Variants in ABCA6 observed in about 807,000 individuals in gnomAD.
ABCA6 encodes the protein ATP binding cassette subfamily A member 6.
In ABCA6, 164 loss-of-function variants were observed where a neutral mutation model predicts 191.2. The ratio of observed to expected loss-of-function variants is 0.86; its 90% CI spans 0.76 to 0.98. The LOEUF is 0.98. ABCA6 is among the 50% of genes least tolerant of loss of function. ABCA6 has a pLI of 0.00. For synonymous variants in ABCA6, 636 were observed against 647.7 expected, an observed-to-expected ratio of 0.98 and a Z score of 0.27; for missense variants, 1,958 against 1,894.1, an observed-to-expected ratio of 1.03 and a Z score of -0.63.
chr17:69,137,359 T>C lies in ABCA6; in HGVS notation c.238A>G (p.Thr80Ala), dbSNP rs866441591. 3.7e-6 allele frequency: 6 copies of C among 1,613,682 alleles called. No individual in the cohort carries two copies. The highest frequency in any genetic ancestry group is 4.2e-6 in the Non-Finnish European group (5 of 1,179,740). ...FNSSSLMVVYTPISNLTQQIM... is the reference protein window; with the variant it reads ...FNSSSLMVVYAPISNLTQQIM... ...TGCTGGGTTAAATTAGATATTGGTG[T>C]ATACACAACCATTAAAGAAGAGCTA... The change falls in exon 3 of 39, where the codon ACA becomes GCA. Residue 80 changes from threonine to alanine, a missense_variant. Physicochemically the swap from Thr to Ala is moderately conservative, Grantham distance 58 (BLOSUM62 0). Transcript: ENST00000284425.
chr17:69,100,707 T>A, intron 22 of ABCA6, 90 bp downstream of exon 22: 1 of 1,281,326 alleles, frequency 7.8e-7, no homozygotes, highest in Non-Finnish European at 1.0e-6. Flanking sequence ...GGCTTAACAA[T>A]CACTTATGGA....
chr17:69,139,937 G>A, intron 2 of ABCA6, among the ~76,000 whole-genome samples: 1 of 145,842 alleles, frequency 6.9e-6, no homozygotes, highest in Non-Finnish European at 1.5e-5. Context: ...TCACACTCTG[G>A]GGCCTGTTGT....
At chr17:69,082,852 A>G (rs779518531) in intron 36 of ABCA6, 21 bp downstream of exon 36, 3 of 1,613,920 alleles carry the variant, frequency 1.9e-6, no homozygotes, top group Non-Finnish European at 2.5e-6. Flanking sequence ...ATATTTCTCC[A>G]TAATCAAAAG....
chr17:69,083,093 A>G, intron 35 of ABCA6, 80 bp from the exon 36 acceptor site: 1 of 1,586,884 alleles, frequency 6.3e-7, no homozygotes, highest in Non-Finnish European at 8.6e-7. Context: ...CAAATGTAGA[A>G]GAAAAGGTGT....
rs1464947835 is a variant in ABCA6 at position 69,112,271 on chromosome 17, T to C, written c.2044A>G (p.Arg682Gly). Reference protein sequence around the residue: ...SMDEADILADRKVIMSNGRLK... With the variant: ...SMDEADILADGKVIMSNGRLK... ...CTCCCATTGGACATGATCACTTTTC[T>C]ATCTGAATGAAAGAAATCAAGGGAG... The change falls in exon 16 of 39, where the codon AGA becomes GGA. Residue 682 changes from arginine to glycine, a missense_variant and splice_region_variant. Physicochemically the swap from Arg to Gly is moderately radical, Grantham distance 125. Coordinates refer to ENST00000284425, the MANE Select transcript of ABCA6 (RefSeq NM_080284.3). 14 of 1,608,996 alleles carry C rather than the reference T, an allele frequency of 8.7e-6. No homozygotes were observed. The highest frequency in any genetic ancestry group is 1.2e-5 in the Non-Finnish European group (14 of 1,176,332).
At chr17:69,134,337 T>G (rs139044755) in intron 5 of ABCA6, among the ~76,000 whole-genome samples, 80 of 152,248 alleles carry the variant, frequency 5.3e-4, no homozygotes, top group Middle Eastern at 3.4e-3. Context: ...ATTAGTGCCT[T>G]GTAAAAGGCT....
Position 69,133,699 on chromosome 17 carries a change from C to G in ABCA6, c.733G>C (p.Glu245Gln), listed in dbSNP as rs772884126. ...ATCAAATTCTTAGACTTTTTTCTCT[C>G]TTTTGTTACATTGAGTGATATAAAA... ...VYFISLNVTKERKKSKNLMKM... is the reference protein window; with the variant it reads ...VYFISLNVTKQRKKSKNLMKM... Residue 245 changes from glutamate (E) to glutamine (Q), a missense_variant, in exon 6 of 39, where the codon GAG becomes CAG. By Grantham distance (29) the Glu-to-Gln change is conservative. Coordinates refer to ENST00000284425, the MANE Select transcript of ABCA6 (RefSeq NM_080284.3). The G allele has an allele frequency of 6.8e-6, 11 of 1,608,352 alleles. No individual in the cohort carries two copies. In the African/African-American group the frequency reaches 1.3e-4, roughly 20 times the overall value.
intron 6 of ABCA6, 48 bp downstream of exon 6, chr17:69,133,593 C>T (rs1170652750): frequency 7.4e-7 from 1 of 1,352,536 alleles, no homozygotes; most frequent in Non-Finnish European, 1.0e-6. Context: ...TTCACTGCTT[C>T]TTAATTTTCC....
At chr17:69,107,854 T>A (rs749449788) in intron 17 of ABCA6, 42 bp from the exon 18 acceptor site, 1 of 1,139,920 alleles carries the variant, frequency 8.8e-7, no homozygotes, top group Admixed American at 1.9e-5. Context: ...GAAAACCACA[T>A]TGAGAACTAA....
intron 7 of ABCA6, 61 bp from the exon 8 acceptor site, chr17:69,128,865 G>A: frequency 7.6e-7 from 1 of 1,320,906 alleles, no homozygotes; most frequent in Non-Finnish European, 1.0e-6. Flanking sequence ...GAGAATCATT[G>A]GCAGCCCAAT....
chr17:69,093,807 AT>A (rs2072986888), intron 25 of ABCA6, among the ~76,000 whole-genome samples: 2 of 152,248 alleles, frequency 1.3e-5, no homozygotes, highest in African/African-American at 2.4e-5. Context: ...CCTTTCAGTG[AT>A]AGAAAAATGA....
In ABCA6 at chr17:69,088,882, C is replaced by T. The variant is rs150587955; in HGVS notation, c.3606+583G>A. Among the ~76,000 whole-genome samples, 612 of 152,276 alleles carry T rather than the reference C, an allele frequency of 4.0e-3. 1 individual carries two copies. Among genetic ancestry groups the T allele is most frequent in the African/African-American group, 0.014 (593 of 41,540 alleles). ...TGGCCTGGCTGACCCTGGATTGAGCCGGGGTCACTCTTGCCACTTCCTACT... is the reference window on the plus strand; with the variant it reads ...TGGCCTGGCTGACCCTGGATTGAGCTGGGGTCACTCTTGCCACTTCCTACT... On this transcript the variant is annotated intron_variant, in intron 27 of 38. Coordinates refer to ENST00000284425, the MANE Select transcript of ABCA6 (RefSeq NM_080284.3).
intron 10 of ABCA6, among the ~76,000 whole-genome samples, chr17:69,118,907 C>CA: frequency 6.6e-6 from 1 of 151,946 alleles, no homozygotes; most frequent in African/African-American, 2.4e-5. Context: ...TGGTTTGCTG[C>CA]ATAGATAGTC....
Position 69,082,858 on chromosome 17 carries a change from A to T in ABCA6, c.4616+15T>A, listed in dbSNP as rs1319140587. The T allele has an allele frequency of 6.2e-7, 1 of 1,613,844 alleles. No individual in the cohort carries two copies. The highest frequency in any genetic ancestry group is 1.3e-5 in the African/African-American group (1 of 74,908). The stretch of plus-strand genomic sequence containing the variant: ...AAACCCTCCATATTTCTCCATAATC[A>T]AAAGCCCGTCTCACCTTTCCTGCCC... On this transcript the variant is annotated intron_variant, in intron 36 of 38. Transcript: ENST00000284425.
intron 6 of ABCA6, among the ~76,000 whole-genome samples, chr17:69,131,287 C>A (rs1051282913): frequency 6.6e-6 from 1 of 152,156 alleles, no homozygotes; most frequent in African/African-American, 2.4e-5. Context: ...AGAACATGTT[C>A]ACACCAGATT....
rs147647384 is a variant in ABCA6 at position 69,105,491 on chromosome 17, C to T, written c.2711G>A (p.Arg904His). ...GTTATTGATGATCAACAGGCTGGTA[C>T]GGGGTTCCTGGGGAAGTTGTCCAGG... ...LSPGQLPQEP[R>H]TSLLIINNTE... The change falls in exon 20 of 39, where the codon CGT (arginine) becomes CAT (histidine). Residue 904 changes from arginine to histidine, a missense_variant. By Grantham distance (29) the Arg-to-His change is conservative. Coordinates refer to ENST00000284425, the MANE Select transcript of ABCA6 (RefSeq NM_080284.3). 3.0e-5 allele frequency: 48 copies of T among 1,608,938 alleles called. No homozygotes were observed. Among genetic ancestry groups the T allele is most frequent in the Middle Eastern group, 2.0e-4 (1 of 5,000 alleles).
intron 30 of ABCA6, among the ~76,000 whole-genome samples, chr17:69,086,113 A>T (rs2072781132): frequency 1.3e-5 from 2 of 152,150 alleles, no homozygotes; most frequent in Non-Finnish European, 2.9e-5. Context: ...TTTCATCCCA[A>T]CTGATATAAA....
Position 69,123,231 on chromosome 17 carries a change from G to T in ABCA6, c.1436+8C>A, listed in dbSNP as rs893076176. ...TCATGCATTAGTATTACTTATAAGT[G>T]TGATTACCTGATGGCTTCTTTTCCT... is the stretch of plus-strand genomic sequence containing the variant. On this transcript the variant is annotated splice_region_variant and intron_variant, in intron 10 of 38. Coordinates refer to ENST00000284425, the MANE Select transcript of ABCA6 (RefSeq NM_080284.3). The T allele has an allele frequency of 2.8e-6, 4 of 1,449,214 alleles. No individual in the cohort carries two copies. Among genetic ancestry groups the T allele is most frequent in the Non-Finnish European group, 3.7e-6 (4 of 1,085,854 alleles). The allele number at this position is 1,449,214 out of a possible 1,614,324, so 89.8% of individuals were successfully genotyped here.
chr17:69,118,988 A>G (rs1433114096), intron 10 of ABCA6, among the ~76,000 whole-genome samples: 2 of 151,978 alleles, frequency 1.3e-5, no homozygotes, highest in African/African-American at 4.8e-5. Context: ...GTTAATTGTG[A>G]ATACACATTA....
Sources: allele counts gnomAD v4.1 joint callset (sites outside exome capture counted in the v4.1 genomes callset), GRCh38; gene constraint gnomAD v4.1.1; transcripts MANE v1.5; gene names NCBI Gene and HGNC (gene_info 2026-07-23, HGNC 2026-07-21).